FREM2: variants seen among roughly 807,000 people sequenced by gnomAD.
The protein encoded by FREM2 is FRAS1-related extracellular matrix protein 2.
Under a neutral mutation model 219.9 loss-of-function variants are expected in FREM2, and 119 were observed. The ratio of observed to expected loss-of-function variants is 0.54; its 90% CI spans 0.47 to 0.63. FREM2 has a LOEUF of 0.63. FREM2 is among the 30% of genes least tolerant of loss of function. FREM2 has a pLI of 0.00. For synonymous variants in FREM2, 1,562 were observed against 1,522.8 expected (o/e 1.03, Z -0.60); for missense variants, 4,030 against 3,993.6 (o/e 1.01, Z -0.25).
Position 38,688,950 on chromosome 13 carries a change from A to G in FREM2, c.1606A>G (p.Met536Val), listed in dbSNP as rs1869650765. The stretch of plus-strand genomic sequence containing the variant: ...GCTGAGCGACAACCTGGTGCTTCGC[A>G]TGGTGGATGGAGGAGGCAGGCACCA... ...GSLSDNLVLR[M>V]VDGGGRHQVQ... Residue 536 changes from methionine (M) to valine (V), a missense_variant, in exon 1 of 24, where the codon ATG (methionine) becomes GTG (valine). By Grantham distance (21) the Met-to-Val change is conservative. Coordinates refer to ENST00000280481, the MANE Select transcript of FREM2 (RefSeq NM_207361.6). 4.3e-6 allele frequency: 7 copies of G among 1,613,384 alleles called. No homozygotes were observed. The highest frequency in any genetic ancestry group is 1.1e-5 in the South Asian group (1 of 90,984).
intron 6 of FREM2, among the ~76,000 whole-genome samples, chr13:38,812,890 C>A (rs9576626): frequency 0.14 from 21,207 of 148,490 alleles, 1,946 homozygotes; most frequent in East Asian, 0.27. Context: ...GTCAAAAAAA[C>A]AAAATGAAAC....
chr13:38,818,382 C>T (rs1372570134), intron 6 of FREM2, among the ~76,000 whole-genome samples: 4 of 151,970 alleles, frequency 2.6e-5, no homozygotes, highest in African/African-American at 7.2e-5. Flanking sequence ...TCATTTGAGA[C>T]AACATGGGTG....
At chr13:38,877,281 A>T (rs1335303143) in intron 21 of FREM2, 38 bp downstream of exon 21, 1 of 1,610,282 alleles carries the variant, frequency 6.2e-7, no homozygotes, top group Admixed American at 1.7e-5. Flanking sequence ...TCTGTTTGTC[A>T]TGTATATCTT....
Position 38,857,887 on chromosome 13 carries a change from A to G in FREM2, c.7069A>G (p.Ile2357Val), listed in dbSNP as rs369612805. Residue 2357 changes from isoleucine (I) to valine (V), a missense_variant, in exon 13 of 24, where the codon ATT becomes GTT. By Grantham distance (29) the Ile-to-Val change is conservative. Coordinates refer to ENST00000280481, the MANE Select transcript of FREM2 (RefSeq NM_207361.6). ...CTTTTCCTTCTAGTTGACGAAAGCCATTGTGTACATAGAAGAAATGAGCAG... is the reference window on the plus strand; with the variant it reads ...CTTTTCCTTCTAGTTGACGAAAGCCGTTGTGTACATAGAAGAAATGAGCAG... ...MIAEMQLTKA[I>V]VYIEEMSSMA... 2.5e-6 allele frequency: 4 copies of G among 1,613,664 alleles called. No individual in the cohort carries two copies. Among genetic ancestry groups the G allele is most frequent in the Admixed American group, 1.7e-5 (1 of 60,018 alleles).
chr13:38,838,823 G>A (rs1213903887), intron 6 of FREM2, among the ~76,000 whole-genome samples: 1 of 151,816 alleles, frequency 6.6e-6, no homozygotes, highest in East Asian at 1.9e-4. Context: ...GTTCATTTAT[G>A]TTCTCTAAAC....
In FREM2 at chr13:38,687,901, T is replaced by G. The variant is rs1181612463; in HGVS notation, c.557T>G (p.Leu186Trp). The G allele has an allele frequency of 6.3e-7, 1 of 1,590,520 alleles. No homozygotes were observed. Residue 186 changes from leucine (L) to tryptophan (W), a missense_variant, in exon 1 of 24, where the codon TTG (leucine) becomes TGG (tryptophan). Physicochemically the swap from Leu to Trp is moderately conservative, Grantham distance 61. Around this residue, in one of 2 missense-constraint regions of FREM2, gnomAD observed 3,102 missense variants for 2,950.7 expected, o/e 1.05. Transcript: ENST00000280481. ...FTQLEVVTRN[L>W]PLVVEELLGT... ...CAGCTGGAGGTTGTGACTCGGAACT[T>G]GCCTCTGGTCGTGGAAGAGCTGCTG...
intron 16 of FREM2, 36 bp from the exon 17 acceptor site, chr13:38,872,706 T>C (rs1356925730): frequency 1.3e-6 from 2 of 1,587,908 alleles, no homozygotes; most frequent in African/African-American, 1.3e-5. Flanking sequence ...TAGTTAACAC[T>C]GAGTCATGTT....
intron 2 of FREM2, among the ~76,000 whole-genome samples, chr13:38,735,661 A>G (rs1175474473): frequency 6.6e-6 from 1 of 152,190 alleles, no homozygotes; most frequent in Non-Finnish European, 1.5e-5. Flanking sequence ...CTTAGCATAC[A>G]ATAATGAGGA....
chr13:38,687,392 C>CCAGCTT lies in FREM2; in HGVS notation c.48_49insCAGCTT (p.Asn16_Ser17insGlnLeu). ...GGTTATCCTCGCGCCGGACAGGCAA[C>CCAGCTT]TCCACCAGCTTTCAACCAGGACCGC... On this transcript the variant is annotated inframe_insertion, in exon 1 of 24. Transcript: ENST00000280481. 1 of 1,609,118 alleles carries CCAGCTT rather than the reference C, an allele frequency of 6.2e-7. No homozygotes were observed. The highest frequency in any genetic ancestry group is 1.1e-5 in the South Asian group (1 of 90,242).
intron 16 of FREM2, among the ~76,000 whole-genome samples, chr13:38,872,169 C>T (rs1372702283): frequency 6.6e-6 from 1 of 152,134 alleles, no homozygotes; most frequent in East Asian, 1.9e-4. Flanking sequence ...ACCTTGAAAA[C>T]ATTATGCTAA....
chr13:38,767,128 GCT>G (rs903761060), intron 3 of FREM2, among the ~76,000 whole-genome samples: 1 of 152,168 alleles, frequency 6.6e-6, no homozygotes, highest in Non-Finnish European at 1.5e-5. Context: ...GCACCATAGT[GCT>G]TCATAAATCC....
intron 7 of FREM2, 40 bp from the exon 8 acceptor site, chr13:38,848,421 A>C (rs774416895): frequency 7.2e-7 from 1 of 1,394,236 alleles, no homozygotes; most frequent in Non-Finnish European, 1.0e-6. Context: ...TTTGAAATTT[A>C]ATTAGTCCCC....
chr13:38,850,516 A>G (rs1877331248), intron 9 of FREM2, among the ~76,000 whole-genome samples: 1 of 152,230 alleles, frequency 6.6e-6, no homozygotes, highest in Admixed American at 6.5e-5. Context: ...CAATGCTAGG[A>G]ATTAAACTTG....
intron 2 of FREM2, among the ~76,000 whole-genome samples, chr13:38,735,009 G>A (rs1237936351): frequency 6.6e-6 from 1 of 152,144 alleles, no homozygotes; most frequent in Non-Finnish European, 1.5e-5. Context: ...GCCTCCCAAA[G>A]TGCTGGGATT....
intron 14 of FREM2, 127 bp downstream of exon 14, chr13:38,859,717 T>A: frequency 1.0e-6 from 1 of 962,486 alleles, no homozygotes; most frequent in Non-Finnish European, 1.6e-6. Flanking sequence ...AGTGAAAAAT[T>A]AAAATCTATT....
At chr13:38,845,525 G>A (rs1231425420) in intron 6 of FREM2, among the ~76,000 whole-genome samples, 1 of 152,170 alleles carries the variant, frequency 6.6e-6, no homozygotes, top group Non-Finnish European at 1.5e-5. Context: ...ATTCACCTGT[G>A]TCTGTTCATA....
At chr13:38,821,194 G>T (rs1411673392) in intron 6 of FREM2, among the ~76,000 whole-genome samples, 3 of 151,994 alleles carry the variant, frequency 2.0e-5, no homozygotes, top group African/African-American at 7.2e-5. Flanking sequence ...TTGAGAAATA[G>T]GCCTTCATCC....
intron 6 of FREM2, among the ~76,000 whole-genome samples, chr13:38,790,831 C>T (rs911516171): frequency 2.0e-5 from 3 of 152,094 alleles, no homozygotes; most frequent in African/African-American, 2.4e-5. Flanking sequence ...ATGCAAATCC[C>T]GTTTTTCTTT....
At chr13:38,848,789 C>A in intron 8 of FREM2, 119 bp downstream of exon 8, 1 of 886,452 alleles carries the variant, frequency 1.1e-6, no homozygotes, top group Non-Finnish European at 1.7e-6. Context: ...GCTTCCATAA[C>A]AAAGTAGCAC....
Sources: allele counts gnomAD v4.1 joint callset (sites outside exome capture counted in the v4.1 genomes callset), GRCh38; gene constraint gnomAD v4.1.1; regional missense constraint gnomAD v4.1.1; transcripts MANE v1.5; gene names NCBI Gene and HGNC (gene_info 2026-07-23, HGNC 2026-07-21).